The following GRAMD4 variants were observed in gnomAD, a reference collection of about 807,000 sequenced individuals.
GRAMD4 encodes the protein GRAM domain-containing protein 4.
GRAMD4 carries 25 observed loss-of-function variants against 83.9 expected under a neutral mutation model. That is an observed-to-expected ratio of 0.30 (90% CI 0.22 to 0.42). The LOEUF (loss-of-function observed/expected upper bound fraction) is 0.42. GRAMD4 is among the 10% of genes least tolerant of loss of function. The pLI, the probability that GRAMD4 is intolerant of heterozygous loss-of-function variation, is 1.00. For synonymous variants in GRAMD4, 336 were observed against 320.9 expected (o/e 1.05, Z -0.50); for missense variants, 593 against 788.7 (o/e 0.75, Z 2.97).
chr22:46,680,805 CCCATCCAT>C (rs751195568), downstream of GRAMD4, among the ~76,000 whole-genome samples: 27 of 55,870 alleles, frequency 4.8e-4, no homozygotes, highest in East Asian at 1.8e-3. Flanking sequence ...CATTCACCTA[CCCATCCAT>C]CCATCCATCC....
intron 3 of GRAMD4, among the ~76,000 whole-genome samples, chr22:46,645,753 C>T (rs932497437): frequency 6.6e-6 from 1 of 152,192 alleles, no homozygotes; most frequent in Non-Finnish European, 1.5e-5. Flanking sequence ...TGGCTGAAGG[C>T]AGGAGCCTAA....
chr22:46,617,480 CCT>C (rs1001227478), upstream of GRAMD4, among the ~76,000 whole-genome samples: 8 of 151,892 alleles, frequency 5.3e-5, no homozygotes, highest in African/African-American at 1.7e-4. Context: ...TGTAGGTTCC[CCT>C]GTGCGTGTAG....
chr22:46,590,704 T>C (rs1273402977), intron 1 of GRAMD4, among the ~76,000 whole-genome samples: 3 of 151,788 alleles, frequency 2.0e-5, no homozygotes, highest in East Asian at 1.9e-4. Flanking sequence ...CTCAGAGAGA[T>C]TGGGGGAGAG....
intron 1 of GRAMD4, among the ~76,000 whole-genome samples, chr22:46,609,967 C>A (rs1377632627): frequency 1.3e-5 from 2 of 152,176 alleles, no homozygotes; most frequent in African/African-American, 4.8e-5. Context: ...CTGAGTGTGG[C>A]GCCCTCCTTG....
At chr22:46,633,146 C>T (rs1389409793) in intron 2 of GRAMD4, among the ~76,000 whole-genome samples, 2 of 152,190 alleles carry the variant, frequency 1.3e-5, no homozygotes, top group Non-Finnish European at 2.9e-5. Flanking sequence ...CAACTGTTTT[C>T]CCCAGGCCTC....
At chr22:46,588,975 T>C (rs2081179578) in intron 1 of GRAMD4, among the ~76,000 whole-genome samples, 1 of 152,128 alleles carries the variant, frequency 6.6e-6, no homozygotes, top group African/African-American at 2.4e-5. Context: ...TGAGATGTCC[T>C]GTGCTGGCCC....
exon 1 of GRAMD4, chr22:46,577,196 G>A: frequency 1.3e-6 from 1 of 776,650 alleles, no homozygotes. Context: ...GCGCCGCTGG[G>A]CTCCCGGGCG....
chr22:46,652,143 T>C (rs2082175532), intron 3 of GRAMD4, among the ~76,000 whole-genome samples: 1 of 152,138 alleles, frequency 6.6e-6, no homozygotes, highest in African/African-American at 2.4e-5. Flanking sequence ...AGGGACTTTG[T>C]AGATGTGGAT....
chr22:46,626,522 G>A (rs1286551002), intron 1 of GRAMD4, among the ~76,000 whole-genome samples: 3 of 152,002 alleles, frequency 2.0e-5, no homozygotes, highest in East Asian at 1.9e-4. Context: ...GGTGCAGGGC[G>A]GGGGTCTCTG....
chr22:46,663,250 TC>T (rs980714245), intron 6 of GRAMD4, 78 bp downstream of exon 6: 8 of 1,375,416 alleles, frequency 5.8e-6, no homozygotes, highest in Non-Finnish European at 8.1e-6. Flanking sequence ...GGGTGGGCCA[TC>T]CTTTATCACC....
chr22:46,658,516 C>T (rs936612897), intron 4 of GRAMD4, among the ~76,000 whole-genome samples: 1 of 152,148 alleles, frequency 6.6e-6, no homozygotes, highest in Non-Finnish European at 1.5e-5. Context: ...GGGAATGTGT[C>T]ATCTTCCTGT....
chr22:46,668,528 A>G (rs528715864), intron 11 of GRAMD4, among the ~76,000 whole-genome samples, 161 bp from the exon 12 acceptor site: 20 of 152,144 alleles, frequency 1.3e-4, no homozygotes, highest in Admixed American at 1.2e-3. Context: ...CCTCTGCCCT[A>G]GACCAGAGCT....
At chr22:46,605,575 C>T (rs2081356856) in intron 1 of GRAMD4, among the ~76,000 whole-genome samples, 2 of 152,264 alleles carry the variant, frequency 1.3e-5, no homozygotes, top group Admixed American at 6.5e-5. Context: ...AAACAGTGCA[C>T]AAGGGTTCCG....
chr22:46,593,979 C>A (rs1335523134), intron 1 of GRAMD4, among the ~76,000 whole-genome samples: 1 of 151,958 alleles, frequency 6.6e-6, no homozygotes, highest in Non-Finnish European at 1.5e-5. Flanking sequence ...CCCGCCTCGG[C>A]CTCCCAAAGT....
upstream of GRAMD4, among the ~76,000 whole-genome samples, chr22:46,619,555 A>G (rs2081545763): frequency 6.6e-6 from 1 of 152,066 alleles, no homozygotes. Flanking sequence ...CAGCCTCTCA[A>G]AGTGCTGGGA....
chr22:46,623,206 AC>A (rs2081602965), intron 1 of GRAMD4, among the ~76,000 whole-genome samples: 2 of 151,458 alleles, frequency 1.3e-5, no homozygotes, highest in African/African-American at 4.9e-5. Context: ...GTGCTCCAGG[AC>A]CCCCTGCCCT....
At chr22:46,671,248 G>A in intron 13 of GRAMD4, 1 of 263,022 alleles carries the variant, frequency 3.8e-6, no homozygotes, top group South Asian at 3.0e-5. Flanking sequence ...CATCTTTCAA[G>A]AATCAACAAG....
upstream of GRAMD4, among the ~76,000 whole-genome samples, chr22:46,616,205 T>C (rs143121470): frequency 0.075 from 1,605 of 21,348 alleles, 169 homozygotes; most frequent in Non-Finnish European, 0.14. Context: ...TTCCCCTGTA[T>C]GTACGTTCCC....
At position 46,661,407 on chromosome 22, in the gene GRAMD4, C is replaced by A; in HGVS notation, c.431C>A (p.Pro144His). ...ACCGAGGAGCAGATGGCTCAGCAGC[C>A]CCCAAAAGGGCAGGCCCAGGCCAGC... The part of the protein sequence containing the change: ...ARTEEQMAQQ[P>H]PKGQAQASNG... The change falls in exon 5 of 19, where the codon CCC becomes CAC. Residue 144 changes from proline (P) to histidine (H), a missense_variant. Physicochemically the swap from Pro to His is moderately conservative, Grantham distance 77. Around this residue, in one of 4 missense-constraint regions of GRAMD4, gnomAD observed 312 missense variants for 350.7 expected, o/e 0.89. Coordinates refer to ENST00000406902, the MANE Select transcript of GRAMD4 (RefSeq NM_015124.5). 6.2e-7 allele frequency: 1 copy of A among 1,612,380 alleles called. No homozygotes were observed. Among genetic ancestry groups the A allele is most frequent in the African/African-American group, 1.3e-5 (1 of 75,064 alleles).
Sources: gnomAD v4.1 joint callset for allele counts (sites outside exome capture counted in the v4.1 genomes callset) on GRCh38, gnomAD v4.1.1 for gene constraint, gnomAD v4.1.1 regional missense constraint, MANE v1.5 for transcripts, NCBI Gene and HGNC (gene_info 2026-07-23, HGNC 2026-07-21) for gene names.